The following ANKRD36 variants were observed in gnomAD, a reference collection of about 807,000 sequenced individuals.
ANKRD36 encodes the protein ankyrin repeat domain-containing protein 36A.
ANKRD36 carries 179 observed loss-of-function variants against 278.1 expected under a neutral mutation model. The ratio of observed to expected loss-of-function variants is 0.64; its 90% CI spans 0.57 to 0.73. The LOEUF is 0.73. ANKRD36 is among the 30% of genes least tolerant of loss of function. The pLI, the probability that ANKRD36 is intolerant of heterozygous loss-of-function variation, is 0.00. For missense variants in ANKRD36, 1,159 were observed against 1,956.7 expected, an observed-to-expected ratio of 0.59 and a Z score of 7.69; for synonymous variants, 320 against 641.1, an observed-to-expected ratio of 0.50 and a Z score of 7.57.
chr2:97,215,567 C>G, intron 62 of ANKRD36, 70 bp downstream of exon 62: 1 of 1,592,364 alleles, frequency 6.3e-7, no homozygotes, highest in Non-Finnish European at 8.5e-7. Context: ...CTAAATAAAT[C>G]AGCGGGGGGT....
chr2:97,202,335 G>A lies in ANKRD36; in HGVS notation c.2901G>A (p.Glu967=). ...KPPALKGTSD[E]EDSVLGIARE... ...ATTCCATTCAGGGTACAAGTGACGA[G>A]GAAGATTCTGTTTTGGGTATAGCCA... The change falls in exon 48 of 76, where the codon GAG becomes GAA. Residue 967 remains glutamate (E), a synonymous_variant. Transcript: ENST00000420699. 1 of 1,569,354 alleles carries A rather than the reference G, an allele frequency of 6.4e-7. No homozygotes were observed. The highest frequency in any genetic ancestry group is 1.2e-5 in the South Asian group (1 of 85,498).
At chr2:97,185,129 A>G (rs990651118) in intron 28 of ANKRD36, among the ~76,000 whole-genome samples, 187 bp from the exon 29 acceptor site, 2 of 151,740 alleles carry the variant, frequency 1.3e-5, no homozygotes, top group African/African-American at 2.4e-5. Flanking sequence ...GTAAGGGTTT[A>G]TTTTGTGAAA....
At chr2:97,151,778 A>T in intron 12 of ANKRD36, 101 bp from the exon 13 acceptor site, 2 of 882,456 alleles carry the variant, frequency 2.3e-6, no homozygotes, top group Non-Finnish European at 3.5e-6. Context: ...GAGTGATTTC[A>T]ACGTCCATAC....
chr2:97,235,130 T>G (rs1473548949), intron 68 of ANKRD36, among the ~76,000 whole-genome samples: 1 of 151,332 alleles, frequency 6.6e-6, no homozygotes, highest in Non-Finnish European at 1.5e-5. Flanking sequence ...TCTAGAAATT[T>G]TATAGATTTG....
intron 20 of ANKRD36, among the ~76,000 whole-genome samples, chr2:97,166,044 T>A (rs1400573955): frequency 1.1e-5 from 1 of 88,112 alleles, no homozygotes; most frequent in Non-Finnish European, 3.9e-5. Flanking sequence ...TAATAAAATT[T>A]TAGAGTTCTG....
In ANKRD36 at chr2:97,226,946, C is replaced by T. The variant is rs1304247630; in HGVS notation, c.3951+2067C>T. On this transcript the variant is annotated intron_variant, in intron 67 of 75. Transcript: ENST00000420699. ...AGATCAGATAGTTGTAGATATGCGGCGTTATTTCTGATGGCTCTGTTCTGT... is the reference window on the plus strand; with the variant it reads ...AGATCAGATAGTTGTAGATATGCGGTGTTATTTCTGATGGCTCTGTTCTGT... Among the ~76,000 whole-genome samples the T allele has an allele frequency of 3.9e-5, 6 of 152,104 alleles. No individual in the cohort carries two copies. In the East Asian group the frequency reaches 7.9e-4, roughly 20 times the overall value.
Position 97,152,039 on chromosome 2 carries a change from C to G in ANKRD36, c.1162+100C>G, listed in dbSNP as rs1451790893. On this transcript the variant is annotated intron_variant, in intron 13 of 75. Coordinates refer to ENST00000420699, the MANE Select transcript of ANKRD36 (RefSeq NM_001354587.1). ...CAGTCTTACTAGTCTGCAGCACAGG[C>G]TGGAGTGCAGTGGTGCGATCTTGGC... The G allele has an allele frequency of 1.1e-5, 11 of 1,001,592 alleles. No individual in the cohort carries two copies. The African/African-American group carries it at 1.8e-4, about 17-fold the overall frequency. The allele number at this position is 1,001,592 out of a possible 1,614,324, so 62.0% of individuals were successfully genotyped here.
chr2:97,187,735 A>G (rs1292352780), intron 32 of ANKRD36, among the ~76,000 whole-genome samples: 3 of 151,846 alleles, frequency 2.0e-5, no homozygotes, highest in Non-Finnish European at 4.4e-5. Context: ...AAGGAGAAAG[A>G]GAAGAAGTAT....
chr2:97,183,383 G>GCTAA, intron 26 of ANKRD36, 76 bp from the exon 27 acceptor site: 1 of 1,461,552 alleles, frequency 6.8e-7, no homozygotes, highest in Non-Finnish European at 9.2e-7. Context: ...ACAGCTTGAT[G>GCTAA]CTAACACTGC....
In ANKRD36 at chr2:97,230,536, C is replaced by T. The variant is rs201133888; in HGVS notation, c.3952-3194C>T. Among the ~76,000 whole-genome samples, 21 of 152,150 alleles carry T rather than the reference C, an allele frequency of 1.4e-4. No homozygotes were observed. In the East Asian group the frequency reaches 2.4e-3, roughly 17 times the overall value. Reference sequence around the variant, plus strand: ...GTATTGGTTATTCTAGGTATACATTCGTCTAAATTTTTTTTCAAAGTTTTT... The same window carrying T: ...GTATTGGTTATTCTAGGTATACATTTGTCTAAATTTTTTTTCAAAGTTTTT... On this transcript the variant is annotated intron_variant, in intron 67 of 75. Transcript: ENST00000420699.
chr2:97,130,055 C>T (rs1229944460), intron 6 of ANKRD36, among the ~76,000 whole-genome samples: 1 of 151,964 alleles, frequency 6.6e-6, no homozygotes, highest in Non-Finnish European at 1.5e-5. Context: ...TATAAATTAC[C>T]TTGGGCAGTA....
intron 38 of ANKRD36, 151 bp from the exon 39 acceptor site, chr2:97,194,575 C>T: frequency 7.0e-7 from 1 of 1,436,320 alleles, no homozygotes; most frequent in Non-Finnish European, 9.5e-7. Context: ...GTATTTCTGA[C>T]ATGTTCTGGT....
At chr2:97,183,345 A>G in intron 26 of ANKRD36, 114 bp from the exon 27 acceptor site, 1 of 1,294,424 alleles carries the variant, frequency 7.7e-7, no homozygotes, top group Non-Finnish European at 1.0e-6. Context: ...TAAAACATCA[A>G]ATCCTACACT....
rs200455439 is a variant in ANKRD36, at chr2:97,245,372, T to C, written c.4707T>C (p.Tyr1569=). Reference sequence around the variant, plus strand: ...CATTAGCAAAAACGATAGCCTGTTATAGTGGACAGCTTGCTGCTCTGACAG... The same window carrying C: ...CATTAGCAAAAACGATAGCCTGTTACAGTGGACAGCTTGCTGCTCTGACAG... ...GETLAKTIAC[Y]SGQLAALTDE... is the part of the protein sequence containing the mutation. Residue 1569 remains tyrosine (Y), a synonymous_variant, in exon 71 of 76, where the codon TAT becomes TAC. Transcript: ENST00000420699. 3,982 of 1,569,460 alleles carry C rather than the reference T, an allele frequency of 2.5e-3. 60 individuals carry two copies. The highest frequency in any genetic ancestry group is 5.8e-3 in the South Asian group (487 of 83,588).
intron 69 of ANKRD36, among the ~76,000 whole-genome samples, chr2:97,242,311 C>A (rs1437001979): frequency 1.3e-5 from 2 of 151,504 alleles, no homozygotes; most frequent in Non-Finnish European, 2.9e-5. Flanking sequence ...AAAAATGTAT[C>A]CAGTTTTATT....
At position 97,203,933 on chromosome 2, in the gene ANKRD36, G is replaced by T. The variant is rs1326975853; in HGVS notation, c.2960-135G>T. ...TATTTCTGTCACGTTCTAATCCCCA[G>T]ACCAAAATTAGAAGCCATCAAAGCA... On this transcript the variant is annotated intron_variant, in intron 48 of 75. Coordinates refer to ENST00000420699, the MANE Select transcript of ANKRD36 (RefSeq NM_001354587.1). 9 of 1,394,528 alleles carry T rather than the reference G, an allele frequency of 6.5e-6. No homozygotes were observed. The East Asian group carries it at 7.6e-5, about 12-fold the overall frequency. 86.4% of individuals were successfully genotyped at this position (1,394,528 alleles called of 1,614,324 possible).
chr2:97,204,497 A>G lies in ANKRD36; in HGVS notation c.3061+234A>G, dbSNP rs184517393. On this transcript the variant is annotated intron_variant, in intron 50 of 75. Transcript: ENST00000420699. Reference sequence around the variant, plus strand: ...GAAATTGGGAAGAAGAAATATGGAGAGCAGTTCAAGGCATAAGGGGCTCCG... The same window carrying G: ...GAAATTGGGAAGAAGAAATATGGAGGGCAGTTCAAGGCATAAGGGGCTCCG... Among the ~76,000 whole-genome samples, 560 of 151,540 alleles carry G rather than the reference A, an allele frequency of 3.7e-3. 2 individuals are homozygous for G. In the East Asian group the frequency reaches 0.057, roughly 15 times the overall value.
chr2:97,155,110 ACTAATAATACCT>A lies in ANKRD36; in HGVS notation c.1260+372_1260+383del, dbSNP rs2047140793. On this transcript the variant is annotated intron_variant, in intron 15 of 75. Coordinates refer to ENST00000420699, the MANE Select transcript of ANKRD36 (RefSeq NM_001354587.1). ...CTGAGTTGTATATCATATGAGTATG[ACTAATAATACCT>A]CTGTTTAAATGAATCTTTGTTACAT... Among the ~76,000 whole-genome samples, 2 of 138,386 alleles carry A rather than the reference ACTAATAATACCT, an allele frequency of 1.4e-5. 1 individual carries two copies. The highest frequency in any genetic ancestry group is 3.3e-5 in the Non-Finnish European group (2 of 60,126). 90.8% of individuals were successfully genotyped at this position (138,386 alleles called of 152,430 possible).
In ANKRD36 at chr2:97,204,183, C is replaced by T. The variant is rs764202408; in HGVS notation, c.2989-8C>T. On this transcript the variant is annotated splice_region_variant and splice_polypyrimidine_tract_variant and intron_variant, in intron 49 of 75. Transcript: ENST00000420699. Reference sequence around the variant, plus strand: ...TTAATTTATTATTTCATTTCAAATTCCATTCAGGCTACAAGTGATGAGAAA... The same window carrying T: ...TTAATTTATTATTTCATTTCAAATTTCATTCAGGCTACAAGTGATGAGAAA... The T allele has an allele frequency of 6.3e-7, 1 of 1,581,494 alleles. No homozygotes were observed. The highest frequency in any genetic ancestry group is 8.6e-7 in the Non-Finnish European group (1 of 1,166,256).
Sources: gnomAD v4.1 joint callset for allele counts (sites outside exome capture counted in the v4.1 genomes callset) on GRCh38, gnomAD v4.1.1 for gene constraint, MANE v1.5 for transcripts, NCBI Gene and HGNC (gene_info 2026-07-23, HGNC 2026-07-21) for gene names.